The following SEPTIN14 variants were observed in gnomAD, a reference collection of about 807,000 sequenced individuals.
SEPTIN14 encodes the protein septin 14.
SEPTIN14 carries 40 observed loss-of-function variants against 53.6 expected under a neutral mutation model. The observed-to-expected ratio is 0.75, with a 90% CI of 0.58 to 0.97. The LOEUF is 0.97. Among genes scored for constraint, SEPTIN14 ranks in the 50% least tolerant of loss-of-function variants. The pLI, the probability that SEPTIN14 is intolerant of heterozygous loss-of-function variation, is 0.00. For synonymous variants in SEPTIN14, 138 were observed against 166.8 expected (o/e 0.83, Z 1.33); for missense variants, 471 against 508.2 (o/e 0.93, Z 0.70).
intron 5 of SEPTIN14, among the ~76,000 whole-genome samples, chr7:55,842,378 G>A (rs1789326981): frequency 6.6e-6 from 1 of 152,070 alleles, no homozygotes; most frequent in Non-Finnish European, 1.5e-5. Flanking sequence ...AGGGCAAGGT[G>A]GGTGGATCAC....
chr7:55,842,219 T>G (rs1297329267), intron 5 of SEPTIN14, among the ~76,000 whole-genome samples: 2 of 152,036 alleles, frequency 1.3e-5, no homozygotes, highest in Admixed American at 6.6e-5. Context: ...TCTAAGATGT[T>G]TGCATAATGA....
chr7:55,809,831 GTC>G (rs1584253508), intron 7 of SEPTIN14, among the ~76,000 whole-genome samples: 1 of 119,560 alleles, frequency 8.4e-6, no homozygotes, highest in Admixed American at 9.0e-5. Flanking sequence ...GTAATGGCTT[GTC>G]TTTTTTTTTT....
intron 3 of SEPTIN14, 45 bp downstream of exon 3, chr7:55,846,472 T>A: frequency 6.9e-7 from 1 of 1,445,734 alleles, no homozygotes; most frequent in Non-Finnish European, 9.4e-7. Context: ...AAATGAACAT[T>A]GGGAAAAATG....
intron 2 of SEPTIN14, among the ~76,000 whole-genome samples, chr7:55,850,155 G>A (rs1359696379): frequency 1.3e-5 from 2 of 152,060 alleles, no homozygotes; most frequent in Non-Finnish European, 2.9e-5. Context: ...TGTATTTTAT[G>A]AAACCAGATA....
At chr7:55,808,826 A>G (rs920821010) in intron 7 of SEPTIN14, among the ~76,000 whole-genome samples, 2 of 152,182 alleles carry the variant, frequency 1.3e-5, no homozygotes, top group African/African-American at 4.8e-5. Flanking sequence ...TGCTGGGATT[A>G]CAGGCATGAG....
chr7:55,837,775 G>T (rs551657760), intron 5 of SEPTIN14, among the ~76,000 whole-genome samples: 7 of 152,236 alleles, frequency 4.6e-5, no homozygotes, highest in African/African-American at 1.7e-4. Context: ...TAGAGACAGG[G>T]TTTCACCATG....
intron 6 of SEPTIN14, among the ~76,000 whole-genome samples, chr7:55,828,552 T>G (rs1030381624): frequency 6.6e-6 from 1 of 151,686 alleles, no homozygotes. Context: ...GATCCGCCCA[T>G]CTCGGCCTCC....
intron 8 of SEPTIN14, among the ~76,000 whole-genome samples, chr7:55,806,070 C>G (rs1788604880): frequency 6.6e-6 from 1 of 152,112 alleles, no homozygotes; most frequent in Non-Finnish European, 1.5e-5. Flanking sequence ...GATCTCAGCT[C>G]ACTGCAATCT....
intron 2 of SEPTIN14, among the ~76,000 whole-genome samples, chr7:55,854,650 A>C (rs902266997): frequency 6.8e-6 from 1 of 147,618 alleles, no homozygotes; most frequent in South Asian, 2.2e-4. Context: ...GGATGGTCTC[A>C]ATCTCCTGAC....
intron 7 of SEPTIN14, among the ~76,000 whole-genome samples, chr7:55,813,796 G>C (rs554227559): frequency 6.6e-6 from 1 of 152,262 alleles, no homozygotes; most frequent in East Asian, 1.9e-4. Flanking sequence ...ACCTACTCTG[G>C]GACAGAAGGG....
intron 2 of SEPTIN14, among the ~76,000 whole-genome samples, chr7:55,848,228 C>T (rs1185925836): frequency 6.6e-6 from 1 of 152,162 alleles, no homozygotes; most frequent in African/African-American, 2.4e-5. Context: ...AAGCTGAGAT[C>T]TCGACTCACT....
intron 6 of SEPTIN14, among the ~76,000 whole-genome samples, chr7:55,826,140 A>T (rs950627286): frequency 6.6e-5 from 10 of 151,554 alleles, no homozygotes; most frequent in African/African-American, 2.4e-4. Flanking sequence ...CATATTTATT[A>T]CCTCAAATAA....
chr7:55,815,012 C>T (rs1330308300), intron 7 of SEPTIN14, among the ~76,000 whole-genome samples: 4 of 152,078 alleles, frequency 2.6e-5, no homozygotes, highest in Admixed American at 2.6e-4. Context: ...AACTCATTTT[C>T]AACAAAGGTG....
At chr7:55,818,956 T>A (rs922797678) in intron 7 of SEPTIN14, among the ~76,000 whole-genome samples, 171 bp downstream of exon 7, 2 of 152,234 alleles carry the variant, frequency 1.3e-5, no homozygotes, top group Admixed American at 1.3e-4. Flanking sequence ...ATAGTCAAAG[T>A]AAGCATTAGT....
At chr7:55,846,400 CT>C in intron 3 of SEPTIN14, 116 bp downstream of exon 3, 1 of 717,064 alleles carries the variant, frequency 1.4e-6, no homozygotes, top group Non-Finnish European at 2.2e-6. Context: ...ATGAGAATCA[CT>C]GTAAACATGA....
Position 55,841,713 on chromosome 7 carries a change from G to C in SEPTIN14, c.558+1229C>G, listed in dbSNP as rs564545689. On this transcript the variant is annotated intron_variant, in intron 5 of 9. Coordinates refer to ENST00000388975, the MANE Select transcript of SEPTIN14 (RefSeq NM_207366.3). The stretch of plus-strand genomic sequence containing the variant: ...TCCACTAAAAATACAAAATTAGCCA[G>C]GCATGGTGGCACATGCCTGTAATCT... Among the ~76,000 whole-genome samples, 51 of 152,202 alleles carry C rather than the reference G, an allele frequency of 3.4e-4. 1 individual carries two copies. Among genetic ancestry groups the C allele is most frequent in the African/African-American group, 9.9e-4 (41 of 41,544 alleles).
At chr7:55,826,801 A>AG (rs1788996482) in intron 6 of SEPTIN14, among the ~76,000 whole-genome samples, 1 of 129,400 alleles carries the variant, frequency 7.7e-6, no homozygotes, top group Non-Finnish European at 1.6e-5. Flanking sequence ...CTGTCCCAGA[A>AG]AAAAAAAAAA....
In SEPTIN14 at chr7:55,830,006, G is replaced by A. The variant is rs1161385456; in HGVS notation, c.720+4419C>T. 2.8e-3 allele frequency among the ~76,000 whole-genome samples: 416 copies of A among 150,828 alleles called. 2 individuals carry two copies. Among genetic ancestry groups the A allele is most frequent in the Non-Finnish European group, 3.9e-3 (263 of 67,598 alleles). On this transcript the variant is annotated intron_variant, in intron 6 of 9. Coordinates refer to ENST00000388975, the MANE Select transcript of SEPTIN14 (RefSeq NM_207366.3). ...ATCCTGGCTAACACGGTGAAACCCC[G>A]TCTCTACTGAAAATACAAAAAATTA... is the stretch of plus-strand genomic sequence containing the variant.
At chr7:55,799,826 G>C (rs978453840) in intron 9 of SEPTIN14, among the ~76,000 whole-genome samples, 2 of 152,098 alleles carry the variant, frequency 1.3e-5, no homozygotes, top group African/African-American at 4.8e-5. Flanking sequence ...GCACCAGATA[G>C]TCCATCCAAA....
Sources: gnomAD v4.1 joint callset for allele counts (sites outside exome capture counted in the v4.1 genomes callset) on GRCh38, gnomAD v4.1.1 for gene constraint, MANE v1.5 for transcripts, NCBI Gene and HGNC (gene_info 2026-07-23, HGNC 2026-07-21) for gene names.